Variants in TEX9 observed in about 807,000 individuals in gnomAD.
The protein encoded by TEX9 is testis expressed 9.
A neutral mutation model predicts 59.6 loss-of-function variants in TEX9; 74 were observed. The observed-to-expected ratio is 1.24, with a 90% confidence interval of 1.03 to 1.51. The LOEUF is 1.51. Among genes scored for constraint, TEX9 ranks in the 40% most tolerant of loss-of-function variants. The probability of loss-of-function intolerance (pLI) is 0.00; values close to 1 mark genes in which losing one functional copy is unlikely to be tolerated. For missense variants in TEX9, 522 were observed against 447.8 expected, an observed-to-expected ratio of 1.17 and a Z score of -1.49; for synonymous variants, 186 against 152.2, an observed-to-expected ratio of 1.22 and a Z score of -1.64.
At chr15:56,293,033 G>T (rs1324725258) in intron 1 of TEX9, among the ~76,000 whole-genome samples, 1 of 152,172 alleles carries the variant, frequency 6.6e-6, no homozygotes, top group African/African-American at 2.4e-5. Context: ...AAGCGATCAT[G>T]ACTAAGACAT....
chr15:56,275,453 G>T (rs1191249016), intron 1 of TEX9, among the ~76,000 whole-genome samples: 1 of 152,142 alleles, frequency 6.6e-6, no homozygotes, highest in African/African-American at 2.4e-5. Flanking sequence ...AGGGAGAAGA[G>T]CCTATGAATG....
chr15:56,372,132 A>G (rs1230326162), intron 2 of TEX9, among the ~76,000 whole-genome samples: 4 of 145,452 alleles, frequency 2.8e-5, no homozygotes, highest in Admixed American at 2.0e-4. Flanking sequence ...TTGGTCCACT[A>G]TATTAATTGG....
At chr15:56,405,483 C>G (rs532154210) in intron 9 of TEX9, among the ~76,000 whole-genome samples, 17 of 152,250 alleles carry the variant, frequency 1.1e-4, no homozygotes, top group Admixed American at 8.5e-4. Context: ...TAAGTACCAT[C>G]TATTCCAAAA....
intron 1 of TEX9, among the ~76,000 whole-genome samples, chr15:56,336,069 A>G (rs1392331450): frequency 6.6e-6 from 1 of 152,204 alleles, no homozygotes; most frequent in East Asian, 1.9e-4. Context: ...ATGGTCTCCC[A>G]TGTGCAGTTG....
intron 1 of TEX9, among the ~76,000 whole-genome samples, chr15:56,309,347 G>C (rs1175720240): frequency 6.6e-6 from 1 of 151,988 alleles, no homozygotes; most frequent in Non-Finnish European, 1.5e-5. Context: ...AATTCTGTTG[G>C]TATTATATTA....
intron 12 of TEX9, chr15:56,429,362 T>A (rs1349357456): frequency 1.8e-5 from 10 of 543,468 alleles, no homozygotes; most frequent in Non-Finnish European, 2.8e-5. Context: ...AATAAGACTT[T>A]ACATATATAT....
At chr15:56,286,109 C>A (rs181131835) in intron 1 of TEX9, among the ~76,000 whole-genome samples, 195 of 152,194 alleles carry the variant, frequency 1.3e-3, no homozygotes, top group Non-Finnish European at 2.5e-3. Flanking sequence ...GAATCTATGG[C>A]GTTTTCATCT....
intron 12 of TEX9, 50 bp downstream of exon 12, chr15:56,430,204 C>CTGTT (rs1165663401): frequency 6.6e-6 from 1 of 152,024 alleles, no homozygotes; most frequent in East Asian, 1.9e-4. Context: ...GCCTATGAAA[C>CTGTT]TGTTATTACT....
chr15:56,328,756 A>T (rs1166544773), intron 1 of TEX9, among the ~76,000 whole-genome samples: 1 of 152,206 alleles, frequency 6.6e-6, no homozygotes, highest in African/African-American at 2.4e-5. Context: ...GTGCCAGCTC[A>T]GCACTCAGTG....
chr15:56,333,218 A>G (rs1176196293), intron 1 of TEX9, among the ~76,000 whole-genome samples: 1 of 152,224 alleles, frequency 6.6e-6, no homozygotes, highest in African/African-American at 2.4e-5. Flanking sequence ...ATCAAAAAAG[A>G]AACCTACAGG....
At chr15:56,251,178 T>C in intron 1 of TEX9, among the ~76,000 whole-genome samples, 1 of 152,242 alleles carries the variant, frequency 6.6e-6, no homozygotes, top group East Asian at 1.9e-4. Flanking sequence ...CATCCCTTTT[T>C]CCCTTACCAT....
chr15:56,428,568 C>CAAAG (rs766650484), intron 12 of TEX9: 5 of 636,464 alleles, frequency 7.9e-6, no homozygotes, highest in Middle Eastern at 4.3e-4. Flanking sequence ...AAAATAATTT[C>CAAAG]AAAGAATTCC....
At chr15:56,433,773 C>G (rs1374740323) in intron 12 of TEX9, among the ~76,000 whole-genome samples, 1 of 152,176 alleles carries the variant, frequency 6.6e-6, no homozygotes, top group African/African-American at 2.4e-5. Flanking sequence ...GCAGGGTGTT[C>G]ATGATCTGTT....
chr15:56,295,645 T>A (rs2045200528), intron 1 of TEX9, among the ~76,000 whole-genome samples: 1 of 152,234 alleles, frequency 6.6e-6, no homozygotes, highest in Non-Finnish European at 1.5e-5. Flanking sequence ...CGATATTTTA[T>A]CAGATTCAAA....
At chr15:56,315,643 C>G (rs2045736910) in intron 1 of TEX9, among the ~76,000 whole-genome samples, 1 of 145,798 alleles carries the variant, frequency 6.9e-6, no homozygotes, top group African/African-American at 2.5e-5. Context: ...AGTTGCTCTT[C>G]TCGAGGAGTA....
intron 12 of TEX9, chr15:56,443,309 A>G: frequency 2.9e-6 from 2 of 680,054 alleles, no homozygotes; most frequent in Non-Finnish European, 4.5e-6. Context: ...ACTGTAGTAT[A>G]CCATTTACAT....
At chr15:56,279,753 A>C (rs1157136044) in intron 1 of TEX9, among the ~76,000 whole-genome samples, 3 of 152,218 alleles carry the variant, frequency 2.0e-5, no homozygotes, top group Admixed American at 6.5e-5. Flanking sequence ...TTTTTGCCTT[A>C]CTCCAAAGTA....
chr15:56,244,899 T>C (rs1172675755), intron 1 of TEX9, among the ~76,000 whole-genome samples: 2 of 151,968 alleles, frequency 1.3e-5, no homozygotes, highest in Non-Finnish European at 2.9e-5. Context: ...GAATTGGCTT[T>C]TCTAGGTGGG....
At chr15:56,391,412 G>C in exon 7 of TEX9, 1 of 1,513,490 alleles carries the variant, frequency 6.6e-7, no homozygotes, top group Non-Finnish European at 8.8e-7. Context: ...TAATGACATT[G>C]GAACAGGTAG....
Sources: gnomAD v4.1 joint callset for allele counts (sites outside exome capture counted in the v4.1 genomes callset) on GRCh38, gnomAD v4.1.1 for gene constraint, MANE v1.5 for transcripts, NCBI Gene and HGNC (gene_info 2026-07-23, HGNC 2026-07-21) for gene names.